The following AGBL1 variants were observed in gnomAD, a reference collection of about 807,000 sequenced individuals.
AGBL1 encodes the protein cytosolic carboxypeptidase 4.
In AGBL1, 130 loss-of-function variants were observed where a neutral mutation model predicts 118.9. The observed-to-expected ratio is 1.09, with a 90% CI of 0.95 to 1.26. The LOEUF is 1.26. Ranked by LOEUF, AGBL1 falls within the 50% of genes most tolerant of loss-of-function variation. AGBL1 has a pLI of 0.00. For missense variants in AGBL1, 1,584 were observed against 1,298.1 expected, an observed-to-expected ratio of 1.22 and a Z score of -3.38; for synonymous variants, 555 against 478.9, an observed-to-expected ratio of 1.16 and a Z score of -2.08.
intron 22 of AGBL1, among the ~76,000 whole-genome samples, chr15:86,781,636 C>T (rs1021942178): frequency 5.9e-5 from 9 of 152,126 alleles, no homozygotes; most frequent in African/African-American, 2.2e-4. Context: ...TGACATTAAA[C>T]CTATCCTTAA....
At chr15:87,022,840 T>C (rs2141806102) in intron 24 of AGBL1, among the ~76,000 whole-genome samples, 1 of 152,256 alleles carries the variant, frequency 6.6e-6, no homozygotes, top group African/African-American at 2.4e-5. Flanking sequence ...CAGCCAAGAA[T>C]TCTGTATCCA....
chr15:86,701,292 G>A (rs936473671), intron 22 of AGBL1, among the ~76,000 whole-genome samples: 4 of 152,038 alleles, frequency 2.6e-5, no homozygotes, highest in African/African-American at 9.7e-5. Flanking sequence ...GGTGTGTGTT[G>A]GAGGTTTCAT....
chr15:86,530,079 T>C (rs2083327794), intron 19 of AGBL1, among the ~76,000 whole-genome samples: 1 of 132,476 alleles, frequency 7.5e-6, no homozygotes, highest in East Asian at 2.0e-4. Context: ...GCTAACATCA[T>C]AATGACAGGA....
chr15:86,623,040 T>C (rs1439348545), intron 21 of AGBL1, among the ~76,000 whole-genome samples: 1 of 152,138 alleles, frequency 6.6e-6, no homozygotes, highest in African/African-American at 2.4e-5. Flanking sequence ...CCACCACTGA[T>C]CTGACGGGAG....
chr15:86,984,989 TCA>T (rs1485464609), intron 23 of AGBL1, among the ~76,000 whole-genome samples: 1 of 152,204 alleles, frequency 6.6e-6, no homozygotes, highest in Non-Finnish European at 1.5e-5. Flanking sequence ...ATTGAAACAT[TCA>T]GTTTTTATTT....
chr15:86,681,270 T>C (rs2085950614), intron 22 of AGBL1, among the ~76,000 whole-genome samples: 1 of 152,202 alleles, frequency 6.6e-6, no homozygotes, highest in East Asian at 1.9e-4. Flanking sequence ...TGATAACATA[T>C]TTTAATTTTG....
chr15:86,460,316 TA>T (rs2082316549), intron 18 of AGBL1, among the ~76,000 whole-genome samples: 1 of 15,866 alleles, frequency 6.3e-5, no homozygotes, highest in African/African-American at 1.8e-4. Context: ...ACCCTATCTC[TA>T]CAAAAAAAAA....
chr15:86,849,053 T>C (rs1567205498), intron 22 of AGBL1, among the ~76,000 whole-genome samples: 2 of 152,194 alleles, frequency 1.3e-5, no homozygotes, highest in Non-Finnish European at 2.9e-5. Context: ...GATCCAATGC[T>C]CAGTGTTGAT....
intron 22 of AGBL1, among the ~76,000 whole-genome samples, chr15:86,872,406 G>T (rs953711833): frequency 2.0e-5 from 3 of 152,124 alleles, no homozygotes; most frequent in Middle Eastern, 3.2e-3. Flanking sequence ...ATTGAATTCT[G>T]CCGCTAATGG....
At chr15:86,274,156 T>A (rs1244505786) in intron 15 of AGBL1, among the ~76,000 whole-genome samples, 7 of 152,202 alleles carry the variant, frequency 4.6e-5, no homozygotes, top group Admixed American at 4.6e-4. Flanking sequence ...ATGAAATAAA[T>A]AATAGTTTAT....
chr15:86,649,701 G>A (rs1160386731), intron 21 of AGBL1, among the ~76,000 whole-genome samples: 13 of 138,178 alleles, frequency 9.4e-5, no homozygotes. Flanking sequence ...GGATTAATTT[G>A]GGTTTTTTTT....
intron 23 of AGBL1, among the ~76,000 whole-genome samples, chr15:86,972,802 A>G (rs2081123431): frequency 6.6e-6 from 1 of 152,074 alleles, no homozygotes; most frequent in South Asian, 2.1e-4. Flanking sequence ...TGCAAGTCTG[A>G]TAATTTTCAT....
intron 6 of AGBL1, among the ~76,000 whole-genome samples, chr15:86,226,400 C>G (rs1409525132): frequency 6.6e-6 from 1 of 152,160 alleles, no homozygotes; most frequent in Admixed American, 6.5e-5. Context: ...TCAAATCCCC[C>G]CAGCCCAGCC....
At chr15:86,555,006 C>T (rs1461628649) in intron 21 of AGBL1, among the ~76,000 whole-genome samples, 1 of 152,192 alleles carries the variant, frequency 6.6e-6, no homozygotes, top group African/African-American at 2.4e-5. Flanking sequence ...TGTTATCCTG[C>T]TGTCTCCAGA....
intron 17 of AGBL1, among the ~76,000 whole-genome samples, chr15:86,329,765 C>G (rs186839683): frequency 1.3e-5 from 2 of 152,322 alleles, no homozygotes; most frequent in East Asian, 3.9e-4. Flanking sequence ...TGCGGGCCCT[C>G]TATGCTTCAT....
chr15:86,598,859 A>G (rs573089005), intron 21 of AGBL1, among the ~76,000 whole-genome samples: 42 of 152,170 alleles, frequency 2.8e-4, no homozygotes, highest in Non-Finnish European at 3.5e-4. Context: ...TGAATTGTCA[A>G]TGTAAGGATG....
At position 86,767,903 on chromosome 15, in the gene AGBL1, T is replaced by G. The variant is rs117700034; in HGVS notation, c.3158+93467T>G. ...TTATGTTCTATTCAAATGTGAAAAT[T>G]TGCATAACTCAACCTTTTTGGATTT... is the stretch of plus-strand genomic sequence containing the variant. On this transcript the variant is annotated intron_variant, in intron 22 of 22. Coordinates refer to ENST00000614907, the MANE Select transcript of AGBL1 (RefSeq NM_001386094.1). Among the ~76,000 whole-genome samples, 43 of 152,082 alleles carry G rather than the reference T, an allele frequency of 2.8e-4. No homozygotes were observed. The East Asian group carries it at 8.0e-3, about 28-fold the overall frequency.
downstream of AGBL1, among the ~76,000 whole-genome samples, chr15:87,029,247 C>T (rs1238194502): frequency 6.6e-6 from 1 of 151,778 alleles, no homozygotes; most frequent in East Asian, 1.9e-4. Flanking sequence ...TTCAAAGAGC[C>T]ATGAGTGGTT....
chr15:86,771,313 T>C (rs1201666711), intron 22 of AGBL1, among the ~76,000 whole-genome samples: 1 of 152,054 alleles, frequency 6.6e-6, no homozygotes, highest in South Asian at 2.1e-4. Context: ...AATACAGATG[T>C]TATTCTACAT....
Sources: gnomAD v4.1 joint callset for allele counts (sites outside exome capture counted in the v4.1 genomes callset) on GRCh38, gnomAD v4.1.1 for gene constraint, MANE v1.5 for transcripts, NCBI Gene and HGNC (gene_info 2026-07-23, HGNC 2026-07-21) for gene names.